Variants in CTXND1 observed in about 807,000 individuals in gnomAD.
CTXND1 encodes the protein cortexin domain-containing 1 protein.
chr15:80,250,822 C>G (rs1373099354), intron 1 of CTXND1, among the ~76,000 whole-genome samples: 1 of 152,162 alleles, frequency 6.6e-6, no homozygotes, highest in East Asian at 1.9e-4. Flanking sequence ...TGAGGTCTTA[C>G]ACACACTTTG....
At chr15:80,250,268 A>G (rs1330280036) in intron 1 of CTXND1, among the ~76,000 whole-genome samples, 1 of 152,180 alleles carries the variant, frequency 6.6e-6, no homozygotes, top group Non-Finnish European at 1.5e-5. Context: ...GGAACTGGAA[A>G]GACACACGCA....
rs1363305609 is a variant in CTXND1 at position 80,201,454 on chromosome 15, G to T, written c.*316C>A. On this transcript the variant is annotated 3_prime_UTR_variant, in exon 3 of 3. Transcript: ENST00000560778. The stretch of plus-strand genomic sequence containing the variant: ...CTGTTGCTGGATCCAGTTCCAAAAG[G>T]TGCCCAGGAACCTGGGAAGGTGACT... The T allele has an allele frequency of 8.2e-6, 2 of 244,866 alleles. No individual in the cohort carries two copies. The highest frequency in any genetic ancestry group is 1.6e-5 in the Non-Finnish European group (2 of 128,616). The allele number at this position is 244,866 out of a possible 1,614,324, so 15.2% of individuals were successfully genotyped here.
chr15:80,210,050 A>G (rs1427712426), intron 1 of CTXND1, among the ~76,000 whole-genome samples: 1 of 152,264 alleles, frequency 6.6e-6, no homozygotes, highest in Non-Finnish European at 1.5e-5. Flanking sequence ...CTCAATGCAG[A>G]TAAGAAAATA....
intron 1 of CTXND1, among the ~76,000 whole-genome samples, chr15:80,215,124 G>A (rs1893238300): frequency 6.6e-6 from 1 of 152,192 alleles, no homozygotes; most frequent in African/African-American, 2.4e-5. Flanking sequence ...TGTCAAGAGT[G>A]TTTACTTGGC....
At chr15:80,251,241 GCA>G (rs1431808456) in intron 1 of CTXND1, among the ~76,000 whole-genome samples, 3 of 152,142 alleles carry the variant, frequency 2.0e-5, no homozygotes, top group African/African-American at 7.2e-5. Flanking sequence ...TTTGCTGCGG[GCA>G]CGGAGACTCT....
Position 80,250,713 on chromosome 15 carries a change from A to T in CTXND1, c.-218+1294T>A, listed in dbSNP as rs115952537. 5.5e-3 allele frequency among the ~76,000 whole-genome samples: 839 copies of T among 152,320 alleles called. 4 individuals are homozygous for T. Among genetic ancestry groups the T allele is most frequent in the African/African-American group, 0.019 (801 of 41,568 alleles). ...GCTTTTCCTCCGTAATGCCTCCTCA[A>T]AGCTGGTACATATCTTATGCTGAGC... On this transcript the variant is annotated intron_variant, in intron 1 of 2. Transcript: ENST00000560778.
intron 1 of CTXND1, among the ~76,000 whole-genome samples, chr15:80,214,670 TC>T (rs1396705549): frequency 6.6e-6 from 1 of 152,128 alleles, no homozygotes; most frequent in Admixed American, 6.5e-5. Context: ...ATCATAACTC[TC>T]ATCACTGAAC....
At chr15:80,225,759 T>C (rs1288445387) in intron 1 of CTXND1, among the ~76,000 whole-genome samples, 1 of 152,246 alleles carries the variant, frequency 6.6e-6, no homozygotes, top group East Asian at 1.9e-4. Context: ...TTACTGAGCA[T>C]ACCAATTAGA....
chr15:80,201,037 A>T lies in CTXND1; in HGVS notation c.*733T>A, dbSNP rs189573413. ...ATGAATTTGACTAAAAAATACAAGTAAAAAGGCTGGAAGAAAATATATCAA... is the reference window on the plus strand; with the variant it reads ...ATGAATTTGACTAAAAAATACAAGTTAAAAGGCTGGAAGAAAATATATCAA... On this transcript the variant is annotated 3_prime_UTR_variant, in exon 3 of 3. Coordinates refer to ENST00000560778, the MANE Select transcript of CTXND1 (RefSeq NM_001352888.2). 3 of 152,296 alleles carry T rather than the reference A, an allele frequency of 2.0e-5. No homozygotes were observed. The East Asian group carries it at 5.8e-4, about 29-fold the overall frequency. The allele number at this position is 152,296 out of a possible 1,614,324, so 9.4% of individuals were successfully genotyped here. A position where few individuals can be genotyped will look rare whatever the true frequency, so the allele number is the denominator to read the frequency against.
At chr15:80,223,562 T>C (rs1405460214) in intron 1 of CTXND1, among the ~76,000 whole-genome samples, 1 of 152,192 alleles carries the variant, frequency 6.6e-6, no homozygotes, top group African/African-American at 2.4e-5. Context: ...TATGTATCCA[T>C]TTCTATTAGT....
chr15:80,218,392 G>C (rs1290895497), intron 1 of CTXND1, among the ~76,000 whole-genome samples: 2 of 152,126 alleles, frequency 1.3e-5, no homozygotes, highest in Non-Finnish European at 2.9e-5. Flanking sequence ...TTCCCACCTG[G>C]CCTCCTAAAG....
rs1386657880 is a variant in CTXND1 at position 80,202,155 on chromosome 15, G to T, written c.-65-141C>A. The T allele has an allele frequency of 7.8e-6, 3 of 384,694 alleles. No homozygotes were observed. The South Asian group carries it at 4.4e-4, about 56-fold the overall frequency. 23.8% of individuals were successfully genotyped at this position (384,694 alleles called of 1,614,324 possible). A position where few individuals can be genotyped will look rare whatever the true frequency, so the allele number is the denominator to read the frequency against. The stretch of plus-strand genomic sequence containing the variant: ...GCTCAGACCACCCTGCAGGAGGGTA[G>T]GAGGGGATGGGTACACATGGACCCA... On this transcript the variant is annotated intron_variant, in intron 2 of 2. Coordinates refer to ENST00000560778, the MANE Select transcript of CTXND1 (RefSeq NM_001352888.2).
intron 1 of CTXND1, among the ~76,000 whole-genome samples, chr15:80,205,330 CAT>C (rs905371054): frequency 2.6e-4 from 40 of 152,276 alleles, no homozygotes; most frequent in African/African-American, 9.1e-4. Flanking sequence ...TCATTTTGCA[CAT>C]GTCTGAGTAT....
chr15:80,233,911 A>G (rs1416464312), intron 1 of CTXND1, among the ~76,000 whole-genome samples: 2 of 152,200 alleles, frequency 1.3e-5, no homozygotes, highest in Non-Finnish European at 2.9e-5. Context: ...AACCCACACA[A>G]CTTGACCATA....
chr15:80,227,035 G>C lies in CTXND1; in HGVS notation c.-217-23295C>G, dbSNP rs543046631. ...TCATATCTTATTCATAGGGATCATG[G>C]TTTATTGAGTTTTATTGAGTGCACA... On this transcript the variant is annotated intron_variant, in intron 1 of 2. Coordinates refer to ENST00000560778, the MANE Select transcript of CTXND1 (RefSeq NM_001352888.2). Among the ~76,000 whole-genome samples the C allele has an allele frequency of 5.3e-5, 8 of 152,180 alleles. No homozygotes were observed. The South Asian group carries it at 1.7e-3, about 32-fold the overall frequency.
Position 80,252,108 on chromosome 15 carries a change from G to T in CTXND1, c.-319C>A, listed in dbSNP as rs1893704385. The T allele has an allele frequency of 2.0e-5, 3 of 151,740 alleles. No individual in the cohort carries two copies. Among genetic ancestry groups the T allele is most frequent in the Non-Finnish European group, 4.4e-5 (3 of 67,918 alleles). The allele number at this position is 151,740 out of a possible 1,614,324, so 9.4% of individuals were successfully genotyped here. On this transcript the variant is annotated 5_prime_UTR_variant, in exon 1 of 3. Transcript: ENST00000560778. ...GCTACGGCGTTTCCCGGTGACGGGG[G>T]CGCGGGCTCGCGGGGCGCGGGGGGC...
intron 1 of CTXND1, among the ~76,000 whole-genome samples, chr15:80,204,784 C>T (rs1444998428): frequency 6.6e-6 from 1 of 151,890 alleles, no homozygotes; most frequent in South Asian, 2.1e-4. Flanking sequence ...CTCCTTGAGA[C>T]TCTGCTTTCA....
chr15:80,219,720 T>A (rs776519875), intron 1 of CTXND1, among the ~76,000 whole-genome samples: 1 of 152,200 alleles, frequency 6.6e-6, no homozygotes, highest in Non-Finnish European at 1.5e-5. Flanking sequence ...TCTGCCATCA[T>A]GGGGTGTGTG....
chr15:80,251,186 G>T (rs147363671), intron 1 of CTXND1, among the ~76,000 whole-genome samples: 1 of 152,302 alleles, frequency 6.6e-6, no homozygotes, highest in African/African-American at 2.4e-5. Context: ...GCCTGGTGAG[G>T]CGGTGCATCA....
Sources: allele counts gnomAD v4.1 joint callset (sites outside exome capture counted in the v4.1 genomes callset), GRCh38; gene constraint gnomAD v4.1.1; transcripts MANE v1.5; gene names NCBI Gene and HGNC (gene_info 2026-07-23, HGNC 2026-07-21).